GUCY1B1: variants seen among roughly 807,000 people sequenced by gnomAD.
GUCY1B1 encodes the protein guanylate cyclase 1 soluble subunit beta 1.
In GUCY1B1, 43 loss-of-function variants were observed where a neutral mutation model predicts 71.0. That is an observed-to-expected ratio of 0.61 (90% CI 0.47 to 0.78). The LOEUF (loss-of-function observed/expected upper bound fraction) is 0.78, where lower values mean the gene tolerates loss of function less well. Ranked by LOEUF, GUCY1B1 falls within the 30% of genes least tolerant of loss-of-function variation. The probability of loss-of-function intolerance (pLI) is 0.00; values close to 1 mark genes in which losing one functional copy is unlikely to be tolerated. For synonymous variants in GUCY1B1, 266 were observed against 259.7 expected, an observed-to-expected ratio of 1.02 and a Z score of -0.23; for missense variants, 535 against 754.1, an observed-to-expected ratio of 0.71 and a Z score of 3.40.
chr4:155,799,891 A>G lies in GUCY1B1; in HGVS notation c.992A>G (p.Asp331Gly). 6.2e-7 allele frequency: 1 copy of G among 1,608,976 alleles called. No homozygotes were observed. Among genetic ancestry groups the G allele is most frequent in the Non-Finnish European group, 8.5e-7 (1 of 1,176,052 alleles). The stretch of plus-strand genomic sequence containing the variant: ...CCATATGACAGTGTCATGAACCTGG[A>G]CGATTTGACAAGGAGAGGGCTGTAT... ...FLCSPSVMNL[D>G]DLTRRGLYLS... Residue 331 changes from aspartate (D) to glycine (G), a missense_variant, in exon 9 of 14, where the codon GAC becomes GGC. Coordinates refer to ENST00000264424, the MANE Select transcript of GUCY1B1 (RefSeq NM_000857.5).
chr4:155,783,389 C>T (rs1204522966), intron 4 of GUCY1B1, among the ~76,000 whole-genome samples: 2 of 152,154 alleles, frequency 1.3e-5, no homozygotes, highest in African/African-American at 2.4e-5. Flanking sequence ...TGAAAATATA[C>T]GTGGGCAAAT....
intron 5 of GUCY1B1, among the ~76,000 whole-genome samples, chr4:155,790,187 G>A (rs1283750672): frequency 6.6e-6 from 1 of 152,170 alleles, no homozygotes; most frequent in Non-Finnish European, 1.5e-5. Context: ...ACACACACCA[G>A]CTGGGAAGCA....
At chr4:155,778,905 T>C (rs922132) in intron 4 of GUCY1B1, among the ~76,000 whole-genome samples, 4,276 of 152,258 alleles carry the variant, frequency 0.028, 204 homozygotes, top group African/African-American at 0.098. Context: ...TTCTGACTTA[T>C]AACTCTCTCT....
chr4:155,765,041 A>C (rs1320123061), intron 2 of GUCY1B1, among the ~76,000 whole-genome samples: 1 of 152,108 alleles, frequency 6.6e-6, no homozygotes, highest in African/African-American at 2.4e-5. Context: ...TTAAAAAAAA[A>C]ATCAGAGGAG....
Position 155,782,044 on chromosome 4 carries a change from T to C in GUCY1B1, c.297+4402T>C, listed in dbSNP as rs191025329. 5.1e-3 allele frequency among the ~76,000 whole-genome samples: 773 copies of C among 152,196 alleles called. 3 individuals carry two copies. The highest frequency in any genetic ancestry group is 9.1e-3 in the Non-Finnish European group (619 of 68,008). ...GTGTGGTTCCATGCTATTGCTATAG[T>C]CAATGTCTTTTTTTGCGTTTTTTAA... On this transcript the variant is annotated intron_variant, in intron 4 of 13. Coordinates refer to ENST00000264424, the MANE Select transcript of GUCY1B1 (RefSeq NM_000857.5).
At chr4:155,759,543 T>G (rs1579176551) in intron 1 of GUCY1B1, 3 of 511,308 alleles carry the variant, frequency 5.9e-6, no homozygotes, top group Non-Finnish European at 6.8e-6. Context: ...CGGTGACAGG[T>G]GAGGAGGGTG....
At chr4:155,779,635 C>G (rs1041436555) in intron 4 of GUCY1B1, among the ~76,000 whole-genome samples, 9 of 152,058 alleles carry the variant, frequency 5.9e-5, no homozygotes, top group Non-Finnish European at 2.9e-5. Context: ...TGAAATTATA[C>G]ATTTTAAGGG....
chr4:155,773,881 G>A (rs934888015), intron 2 of GUCY1B1, among the ~76,000 whole-genome samples: 5 of 152,110 alleles, frequency 3.3e-5, no homozygotes, highest in Admixed American at 6.5e-5. Flanking sequence ...CAGAGAGACG[G>A]TTTCACCGTG....
At chr4:155,792,723 G>C (rs572152552) in intron 5 of GUCY1B1, among the ~76,000 whole-genome samples, 47 of 151,696 alleles carry the variant, frequency 3.1e-4, no homozygotes, top group South Asian at 2.9e-3. Flanking sequence ...AACTTTTTCT[G>C]TTTTGGGTCT....
intron 4 of GUCY1B1, among the ~76,000 whole-genome samples, chr4:155,783,133 T>G (rs1738549901): frequency 6.6e-6 from 1 of 152,226 alleles, no homozygotes. Flanking sequence ...TTTCCCTTTA[T>G]ATTTTATGTC....
At chr4:155,771,789 C>T (rs1737710056) in intron 2 of GUCY1B1, among the ~76,000 whole-genome samples, 1 of 152,100 alleles carries the variant, frequency 6.6e-6, no homozygotes, top group African/African-American at 2.4e-5. Context: ...ATAAAAACAT[C>T]TAACTACCTA....
chr4:155,780,776 A>G (rs1738365317), intron 4 of GUCY1B1, among the ~76,000 whole-genome samples: 1 of 152,198 alleles, frequency 6.6e-6, no homozygotes, highest in African/African-American at 2.4e-5. Flanking sequence ...ATTGAAATAT[A>G]AAAGAAGAGA....
In GUCY1B1 at chr4:155,802,485, G is replaced by C. The variant is rs371955789; in HGVS notation, c.1319G>C (p.Gly440Ala). The change falls in exon 10 of 14, where the codon GGA becomes GCA. Residue 440 changes from glycine (G) to alanine (A), a missense_variant. Gly to Ala is a moderately conservative substitution (Grantham distance 60, BLOSUM62 0). Transcript: ENST00000264424. The surrounding 1 kb of genome is among the most constrained non-coding windows in gnomAD (Gnocchi z 4.3). Reference protein sequence around the residue: ...FNAFCSKHASGEGAMKIVNLL... With the variant: ...FNAFCSKHASAEGAMKIVNLL... ...GCTTTCTGTAGCAAGCATGCATCTG[G>C]AGAAGGAGCCATGAAGATCGTCAAC... is the stretch of plus-strand genomic sequence containing the variant. The C allele has an allele frequency of 5.6e-6, 9 of 1,613,602 alleles. No homozygotes were observed. The highest frequency in any genetic ancestry group is 1.3e-5 in the African/African-American group (1 of 74,914).
At chr4:155,777,890 G>A (rs1368092184) in intron 4 of GUCY1B1, among the ~76,000 whole-genome samples, 2 of 152,126 alleles carry the variant, frequency 1.3e-5, no homozygotes, top group Non-Finnish European at 2.9e-5. Flanking sequence ...AATGTTCCCT[G>A]AAGAACTCCA....
Position 155,794,059 on chromosome 4 carries a change from C to A in GUCY1B1, c.699C>A (p.Gly233=). ...FDRDLVVTQC[G]NAIYRVLPQL... ...GGGACCTAGTGGTCACTCAGTGTGG[C>A]AATGCTATATACAGAGTTCTCCCCC... The change falls in exon 6 of 14, where the codon GGC becomes GGA. Residue 233 remains glycine, a synonymous_variant. Transcript: ENST00000264424. The A allele has an allele frequency of 6.2e-7, 1 of 1,605,650 alleles. No individual in the cohort carries two copies. Among genetic ancestry groups the A allele is most frequent in the Non-Finnish European group, 8.5e-7 (1 of 1,172,408 alleles).
chr4:155,771,133 C>T (rs1335915985), intron 2 of GUCY1B1, among the ~76,000 whole-genome samples: 1 of 152,114 alleles, frequency 6.6e-6, no homozygotes, highest in African/African-American at 2.4e-5. Context: ...GCCCCACATT[C>T]CCAAAGATGT....
intron 4 of GUCY1B1, among the ~76,000 whole-genome samples, chr4:155,787,475 T>C (rs1364449272): frequency 1.3e-5 from 2 of 152,228 alleles, no homozygotes; most frequent in Non-Finnish European, 2.9e-5. Flanking sequence ...TCAAACTTCA[T>C]GACCTAGCTC....
Position 155,806,529 on chromosome 4 carries a change from C to T in GUCY1B1, c.*120C>T, listed in dbSNP as rs1224408381. On this transcript the variant is annotated 3_prime_UTR_variant, in exon 14 of 14. Coordinates refer to ENST00000264424, the MANE Select transcript of GUCY1B1 (RefSeq NM_000857.5). Reference sequence around the variant, plus strand: ...GATTTTCTTTTGTCCTTGTCCATTACCCCAAGACTTTCTTCTAGATATATC... The same window carrying T: ...GATTTTCTTTTGTCCTTGTCCATTATCCCAAGACTTTCTTCTAGATATATC... 1 of 665,956 alleles carries T rather than the reference C, an allele frequency of 1.5e-6. No homozygotes were observed. The highest frequency in any genetic ancestry group is 2.7e-6 in the Non-Finnish European group (1 of 367,440). 41.3% of individuals were successfully genotyped at this position (665,956 alleles called of 1,614,324 possible).
rs943996531 is a variant in GUCY1B1, at chr4:155,777,065, C to T, written c.179-459C>T. 2.0e-5 allele frequency among the ~76,000 whole-genome samples: 3 copies of T among 152,244 alleles called. No homozygotes were observed. In the East Asian group the frequency reaches 5.8e-4, roughly 29 times the overall value. ...CGAAACATAAAATTCACTTATGTTT[C>T]ATGTACACCTTATAGACATAGGCTG... On this transcript the variant is annotated intron_variant, in intron 3 of 13. Transcript: ENST00000264424.
Sources: allele counts gnomAD v4.1 joint callset (sites outside exome capture counted in the v4.1 genomes callset), GRCh38; gene constraint gnomAD v4.1.1; non-coding constraint Gnocchi (gnomAD v3.1); transcripts MANE v1.5; gene names NCBI Gene and HGNC (gene_info 2026-07-23, HGNC 2026-07-21).